Variants in PARD3B observed in about 807,000 individuals in gnomAD.
The protein encoded by PARD3B is par-3 family cell polarity regulator beta.
A neutral mutation model predicts 130.2 loss-of-function variants in PARD3B; 103 were observed. That is an observed-to-expected ratio of 0.79 (90% CI 0.67 to 0.93). The LOEUF is 0.93. Ranked by LOEUF, PARD3B falls within the 40% of genes least tolerant of loss-of-function variation. The pLI is 0.00. For synonymous variants in PARD3B, 583 were observed against 553.2 expected (o/e 1.05, Z -0.76); for missense variants, 1,609 against 1,499.2 (o/e 1.07, Z -1.21).
rs2041497515 is a variant in PARD3B, at chr2:205,288,843, A to AGTCACT, written c.2186-11682_2186-11681insTGTCAC. Among the ~76,000 whole-genome samples the AGTCACT allele has an allele frequency of 6.6e-6, 1 of 152,216 alleles. No homozygotes were observed. The highest frequency in any genetic ancestry group is 1.5e-5 in the Non-Finnish European group (1 of 68,042). The stretch of plus-strand genomic sequence containing the variant: ...CATAAAGTCTTACTCAGTGACTTAA[A>AGTCACT]GTCACACTGTGCTTTCTTTTCTCTG... On this transcript the variant is annotated intron_variant, in intron 16 of 22. Coordinates refer to ENST00000406610, the MANE Select transcript of PARD3B (RefSeq NM_001302769.2). The surrounding 1 kb of genome is among the most constrained non-coding windows in gnomAD (Gnocchi z 4.0).
intron 21 of PARD3B, among the ~76,000 whole-genome samples, chr2:205,512,506 A>G (rs1264058701): frequency 3.9e-5 from 6 of 152,154 alleles, no homozygotes; most frequent in Non-Finnish European, 8.8e-5. Flanking sequence ...ACATAGCTCC[A>G]TTCCCTAAGC....
chr2:205,178,229 G>GGGA lies in PARD3B; in HGVS notation c.1924+1652_1924+1653insGGA, dbSNP rs1553632798. ...TGTAATCCCAGCTACTATGGGGGGG[G>GGGA]AAAAAAAAAAGAAGAAGCTGACTTT... On this transcript the variant is annotated intron_variant, in intron 13 of 22. Coordinates refer to ENST00000406610, the MANE Select transcript of PARD3B (RefSeq NM_001302769.2). Among the ~76,000 whole-genome samples the GGGA allele has an allele frequency of 5.8e-5, 8 of 136,960 alleles. 1 individual carries two copies. The highest frequency in any genetic ancestry group is 2.2e-4 in the African/African-American group (8 of 36,328). The allele number at this position is 136,960 out of a possible 152,430, so 89.9% of individuals were successfully genotyped here. A position where few individuals can be genotyped will look rare whatever the true frequency, so the allele number is the denominator to read the frequency against.
intron 11 of PARD3B, among the ~76,000 whole-genome samples, chr2:205,165,487 A>G (rs947628126): frequency 2.0e-5 from 3 of 147,326 alleles, no homozygotes; most frequent in African/African-American, 8.1e-5. Flanking sequence ...TGGTTTATGC[A>G]TATGTTAACT....
Position 205,274,688 on chromosome 2 carries a change from AAT to A in PARD3B, c.2186-25839_2186-25838del, listed in dbSNP as rs2040871773. Among the ~76,000 whole-genome samples the A allele has an allele frequency of 6.6e-6, 1 of 152,100 alleles. No individual in the cohort carries two copies. Among genetic ancestry groups the A allele is most frequent in the Admixed American group, 6.6e-5 (1 of 15,264 alleles). On this transcript the variant is annotated intron_variant, in intron 16 of 22. Transcript: ENST00000406610. This position sits in a 1 kb window ranked among gnomAD's most constrained non-coding sequence, Gnocchi z 4.2. ...TTATCTACCTGAATATTTCTATCTGAATATTAATTCTTCAGTTAGCACCAAAT... is the reference window on the plus strand; with the variant it reads ...TTATCTACCTGAATATTTCTATCTGAATTAATTCTTCAGTTAGCACCAAAT...
At position 205,507,795 on chromosome 2, in the gene PARD3B, C is replaced by T. The variant is rs541691042; in HGVS notation, c.3180+7764C>T. ...TCCCTTTGTGTATTCTCCTGTTTAT[C>T]GTTAGAAAGAATAGATCTATTATCA... On this transcript the variant is annotated intron_variant, in intron 21 of 22. Coordinates refer to ENST00000406610, the MANE Select transcript of PARD3B (RefSeq NM_001302769.2). 3.9e-5 allele frequency among the ~76,000 whole-genome samples: 6 copies of T among 152,200 alleles called. No individual in the cohort carries two copies. In the South Asian group the frequency reaches 1.0e-3, roughly 26 times the overall value.
At chr2:205,485,464 C>T (rs2049401869) in intron 20 of PARD3B, among the ~76,000 whole-genome samples, 1 of 152,180 alleles carries the variant, frequency 6.6e-6, no homozygotes, top group Admixed American at 6.5e-5. Context: ...ATTTAGCCTG[C>T]ACTGTATGCA....
At chr2:204,833,968 C>G (rs1019769304) in intron 2 of PARD3B, among the ~76,000 whole-genome samples, 2 of 152,166 alleles carry the variant, frequency 1.3e-5, no homozygotes, top group African/African-American at 2.4e-5. Flanking sequence ...ATCGCAGAAG[C>G]CTGTCTTCGT....
At chr2:204,778,971 G>A (rs1419831924) in intron 2 of PARD3B, among the ~76,000 whole-genome samples, 1 of 152,150 alleles carries the variant, frequency 6.6e-6, no homozygotes, top group Non-Finnish European at 1.5e-5. Flanking sequence ...GGCACTGCCT[G>A]CCGCCTCAGC....
At chr2:205,500,135 G>A (rs2050106660) in intron 21 of PARD3B, 104 bp downstream of exon 21, 3 of 1,310,520 alleles carry the variant, frequency 2.3e-6, no homozygotes, top group Non-Finnish European at 3.1e-6. Flanking sequence ...ATTCTATTTA[G>A]GTTTCTTGGG....
At chr2:205,551,129 G>T (rs1259662374) in intron 21 of PARD3B, among the ~76,000 whole-genome samples, 4 of 151,248 alleles carry the variant, frequency 2.6e-5, no homozygotes, top group Non-Finnish European at 5.9e-5. Flanking sequence ...TATTAACTTG[G>T]AATTTTATAG....
intron 16 of PARD3B, among the ~76,000 whole-genome samples, chr2:205,285,357 A>G (rs1306640463): frequency 6.6e-6 from 1 of 152,148 alleles, no homozygotes; most frequent in East Asian, 1.9e-4. Flanking sequence ...GTACTGAGGC[A>G]ATACCCACTC....
At chr2:205,513,818 T>C (rs1482541429) in intron 21 of PARD3B, among the ~76,000 whole-genome samples, 1 of 152,056 alleles carries the variant, frequency 6.6e-6, no homozygotes, top group African/African-American at 2.4e-5. Context: ...TATAATGAGA[T>C]ATTTAGGAGT....
In PARD3B at chr2:205,122,629, C is replaced by T. The variant is rs115132271; in HGVS notation, c.1165+680C>T. On this transcript the variant is annotated intron_variant, in intron 8 of 22. Transcript: ENST00000406610. This position sits in a 1 kb window ranked among gnomAD's most constrained non-coding sequence, Gnocchi z 4.3. ...TAACCTCTGCTTTATATTACCTTCC[C>T]CCATTGCAACCTTCTGAAATTCTGT... Among the ~76,000 whole-genome samples, 28 of 152,248 alleles carry T rather than the reference C, an allele frequency of 1.8e-4. No homozygotes were observed. The highest frequency in any genetic ancestry group is 6.5e-4 in the African/African-American group (27 of 41,552).
intron 19 of PARD3B, among the ~76,000 whole-genome samples, chr2:205,426,891 G>T (rs1475323121): frequency 6.6e-6 from 1 of 152,092 alleles, no homozygotes; most frequent in Non-Finnish European, 1.5e-5. Flanking sequence ...TGCTAATATT[G>T]CTCCTATTCA....
chr2:204,977,811 C>CAAAAAAAAAA (rs35974349), intron 3 of PARD3B, among the ~76,000 whole-genome samples: 1 of 59,018 alleles, frequency 1.7e-5, no homozygotes, highest in Non-Finnish European at 3.1e-5. Context: ...GACTCCGGCT[C>CAAAAAAAAAA]AAAAAAAAAA....
At chr2:204,952,705 T>C (rs1689873389) in intron 2 of PARD3B, among the ~76,000 whole-genome samples, 1 of 152,054 alleles carries the variant, frequency 6.6e-6, no homozygotes, top group Admixed American at 6.6e-5. Flanking sequence ...ATAAAAATAT[T>C]GTCAATATCA....
At chr2:205,476,078 T>A (rs542450599) in intron 20 of PARD3B, among the ~76,000 whole-genome samples, 56 of 152,338 alleles carry the variant, frequency 3.7e-4, no homozygotes, top group African/African-American at 1.3e-3. Context: ...GTCAGATTTA[T>A]TAAATGCTCT....
intron 21 of PARD3B, among the ~76,000 whole-genome samples, chr2:205,501,946 C>A (rs745711424): frequency 3.3e-5 from 5 of 152,080 alleles, no homozygotes; most frequent in South Asian, 2.1e-4. Context: ...GTGTGTTGAG[C>A]TCTGCCAAAA....
chr2:204,978,573 A>G (rs368521215), intron 3 of PARD3B, among the ~76,000 whole-genome samples: 1 of 152,322 alleles, frequency 6.6e-6, no homozygotes, highest in South Asian at 2.1e-4. Context: ...AATTCCACCA[A>G]CTTTATTGCT....
Sources: gnomAD v4.1 joint callset for allele counts (sites outside exome capture counted in the v4.1 genomes callset) on GRCh38, gnomAD v4.1.1 for gene constraint, Gnocchi (gnomAD v3.1) non-coding constraint, MANE v1.5 for transcripts, NCBI Gene and HGNC (gene_info 2026-07-23, HGNC 2026-07-21) for gene names.